Variants in NFIA observed in about 807,000 individuals in gnomAD.
NFIA encodes nuclear factor 1 A-type.
NFIA carries 8 observed loss-of-function variants against 62.8 expected under a neutral mutation model. The observed-to-expected ratio is 0.13, with a 90% CI of 0.07 to 0.23. The LOEUF (loss-of-function observed/expected upper bound fraction) is 0.23, where lower values mean the gene tolerates loss of function less well. NFIA is among the 10% of genes least tolerant of loss of function. The pLI is 1.00. For synonymous variants in NFIA, 235 were observed against 238.1 expected (o/e 0.99, Z 0.12); for missense variants, 410 against 642.1 (o/e 0.64, Z 3.91).
chr1:61,102,679 C>A (rs1267877086), intron 2 of NFIA, among the ~76,000 whole-genome samples: 1 of 152,108 alleles, frequency 6.6e-6, no homozygotes, highest in African/African-American at 2.4e-5. Flanking sequence ...AATTATGAGT[C>A]TGCAGTATTA....
chr1:61,235,269 T>C (rs1377924036), intron 2 of NFIA, among the ~76,000 whole-genome samples: 1 of 152,010 alleles, frequency 6.6e-6, no homozygotes, highest in Non-Finnish European at 1.5e-5. Flanking sequence ...GAGACCATCC[T>C]GTCTAACACG....
chr1:61,362,500 G>A (rs538562159), intron 6 of NFIA, among the ~76,000 whole-genome samples: 1 of 152,272 alleles, frequency 6.6e-6, no homozygotes, highest in Admixed American at 6.5e-5. Flanking sequence ...GGCCAAAAGA[G>A]GGCCAAAGGT....
intron 4 of NFIA, among the ~76,000 whole-genome samples, chr1:61,339,281 G>T (rs1475259963): frequency 6.6e-6 from 1 of 152,218 alleles, no homozygotes; most frequent in Non-Finnish European, 1.5e-5. Context: ...TGAAGGTAGA[G>T]TGTGGAGCAG....
upstream of NFIA, chr1:61,077,720 T>G (rs1263513177): frequency 1.3e-5 from 13 of 1,032,814 alleles, no homozygotes; most frequent in Non-Finnish European, 1.3e-6. Context: ...TGGCTAAGAC[T>G]AAAATTTCTC....
At chr1:61,136,355 G>A (rs1647190005) in intron 2 of NFIA, among the ~76,000 whole-genome samples, 1 of 152,194 alleles carries the variant, frequency 6.6e-6, no homozygotes, top group Admixed American at 6.5e-5. Context: ...AAAGTCCACA[G>A]CATGGAGTGT....
chr1:61,287,958 C>T (rs1250270002), intron 3 of NFIA, among the ~76,000 whole-genome samples: 3 of 152,164 alleles, frequency 2.0e-5, no homozygotes, highest in Admixed American at 6.5e-5. Context: ...AAGAGTACTA[C>T]AAAGTTCTAG....
At chr1:61,079,637 G>C (rs1430087775), upstream of NFIA, among the ~76,000 whole-genome samples, 1 of 152,122 alleles carries the variant, frequency 6.6e-6, no homozygotes, top group Non-Finnish European at 1.5e-5. Flanking sequence ...TCCTAACAAT[G>C]GGTCATTTAT....
intron 3 of NFIA, among the ~76,000 whole-genome samples, chr1:61,299,180 C>T (rs1659358600): frequency 6.6e-6 from 1 of 152,124 alleles, no homozygotes; most frequent in Admixed American, 6.6e-5. Flanking sequence ...TGACAGATTC[C>T]CATCCGGTAT....
chr1:61,232,475 C>T (rs1654739156), intron 2 of NFIA, among the ~76,000 whole-genome samples: 2 of 151,806 alleles, frequency 1.3e-5, no homozygotes, highest in Middle Eastern at 6.8e-3. Context: ...GTGAATTATG[C>T]AGGTCATCTC....
At chr1:61,262,560 C>T (rs779171026) in intron 2 of NFIA, among the ~76,000 whole-genome samples, 4 of 152,034 alleles carry the variant, frequency 2.6e-5, no homozygotes, top group Non-Finnish European at 5.9e-5. Context: ...CTGTAATGAG[C>T]ATGAGTGTAG....
chr1:61,274,170 G>A (rs1484659099), intron 2 of NFIA, among the ~76,000 whole-genome samples: 1 of 152,162 alleles, frequency 6.6e-6, no homozygotes, highest in Non-Finnish European at 1.5e-5. Context: ...CAGCAATATA[G>A]CTGTAGGCGC....
At chr1:61,350,736 A>G (rs1662504545) in intron 4 of NFIA, among the ~76,000 whole-genome samples, 2 of 152,224 alleles carry the variant, frequency 1.3e-5, no homozygotes, top group Non-Finnish European at 2.9e-5. Flanking sequence ...CATCATACCA[A>G]GCTATCAGAA....
At chr1:61,306,939 T>C (rs1159265642) in intron 3 of NFIA, among the ~76,000 whole-genome samples, 1 of 152,192 alleles carries the variant, frequency 6.6e-6, no homozygotes, top group Non-Finnish European at 1.5e-5. Flanking sequence ...TTGGAGGACT[T>C]TTCTTTTCTA....
At position 61,219,174 on chromosome 1, in the gene NFIA, G is replaced by C. The variant is rs1188040299; in HGVS notation, c.560-58346G>C. Among the ~76,000 whole-genome samples, 10 of 151,386 alleles carry C rather than the reference G, an allele frequency of 6.6e-5. No homozygotes were observed. In the East Asian group the frequency reaches 2.0e-3, roughly 30 times the overall value. On this transcript the variant is annotated intron_variant, in intron 2 of 10. Coordinates refer to ENST00000403491, the MANE Select transcript of NFIA (RefSeq NM_001134673.4). ...TTGAACCCACAGGGCAGAGGTTGCA[G>C]TAAGCTGAGATCAGGTCACTGATCT...
chr1:61,454,327 T>C (rs1668204322), intron 10 of NFIA, among the ~76,000 whole-genome samples: 1 of 152,246 alleles, frequency 6.6e-6, no homozygotes. Context: ...TGTTAGTCCA[T>C]AATTGCTCAT....
chr1:61,387,233 G>A (rs1327444885), intron 7 of NFIA, among the ~76,000 whole-genome samples: 1 of 152,014 alleles, frequency 6.6e-6, no homozygotes, highest in Non-Finnish European at 1.5e-5. Flanking sequence ...TGAACCAAAG[G>A]TTTCTCATCT....
rs150347525 is a variant in NFIA, at chr1:61,104,009, G to A, written c.559+15329G>A. 5.1e-4 allele frequency among the ~76,000 whole-genome samples: 77 copies of A among 152,184 alleles called. 1 individual carries two copies. Among genetic ancestry groups the A allele is most frequent in the African/African-American group, 1.7e-3 (72 of 41,550 alleles). On this transcript the variant is annotated intron_variant, in intron 2 of 10. Transcript: ENST00000403491. ...TATCTAGAAAAGATGATTTGGTGAT[G>A]ATGGAGTAATATAGTAACTGCTCTA...
intron 6 of NFIA, among the ~76,000 whole-genome samples, chr1:61,361,301 G>A (rs550593464): frequency 2.4e-4 from 37 of 152,184 alleles, no homozygotes; most frequent in African/African-American, 7.5e-4. Context: ...GCCACTACCC[G>A]CATCATCAGC....
At chr1:61,355,797 C>T (rs538571649) in intron 5 of NFIA, among the ~76,000 whole-genome samples, 6 of 152,050 alleles carry the variant, frequency 3.9e-5, no homozygotes, top group Non-Finnish European at 5.9e-5. Context: ...ATGTTGCCCA[C>T]GGTGGTCTCT....
Sources: gnomAD v4.1 joint callset for allele counts (sites outside exome capture counted in the v4.1 genomes callset) on GRCh38, gnomAD v4.1.1 for gene constraint, MANE v1.5 for transcripts, NCBI Gene and HGNC (gene_info 2026-07-23, HGNC 2026-07-21) for gene names.